DGKH: variants seen among roughly 807,000 people sequenced by gnomAD.
DGKH encodes DAG kinase eta.
DGKH carries 90 observed loss-of-function variants against 159.3 expected under a neutral mutation model. The ratio of observed to expected loss-of-function variants is 0.57; its 90% CI spans 0.48 to 0.67. The LOEUF is 0.67. Among genes scored for constraint, DGKH ranks in the 30% least tolerant of loss-of-function variants. The pLI is 0.00. For missense variants in DGKH, 1,181 were observed against 1,506.1 expected (o/e 0.78, Z 3.57); for synonymous variants, 536 against 553.8 (o/e 0.97, Z 0.45).
chr13:42,217,929 G>A (rs866987163), intron 26 of DGKH, among the ~76,000 whole-genome samples: 30 of 152,236 alleles, frequency 2.0e-4, no homozygotes, highest in Middle Eastern at 3.4e-3. Flanking sequence ...AGCTACTTTG[G>A]TGGCTGAGGC....
At chr13:42,084,953 T>G (rs1038283859) in intron 1 of DGKH, among the ~76,000 whole-genome samples, 10 of 152,092 alleles carry the variant, frequency 6.6e-5, no homozygotes, top group African/African-American at 2.4e-4. Flanking sequence ...TATAAATAGA[T>G]ATGTATGCAT....
chr13:42,207,419 G>C (rs1163248408), intron 21 of DGKH, among the ~76,000 whole-genome samples: 2 of 151,366 alleles, frequency 1.3e-5, no homozygotes, highest in Non-Finnish European at 2.9e-5. Flanking sequence ...TCGAACTTCT[G>C]ACCTCAGGTG....
In DGKH at chr13:42,239,674, A is replaced by G. The variant is rs1038665711; in HGVS notation, c.*10486A>G. 1 of 152,390 alleles carries G rather than the reference A, an allele frequency of 6.6e-6. No individual in the cohort carries two copies. The highest frequency in any genetic ancestry group is 2.4e-5 in the African/African-American group (1 of 41,382). The allele number at this position is 152,390 out of a possible 1,614,324, so 9.4% of individuals were successfully genotyped here. ...TTTTGTTTTTGGTTTTTTTCCAGCAACTAGTTTTTCTACTTTCACTCTTTC... is the reference window on the plus strand; with the variant it reads ...TTTTGTTTTTGGTTTTTTTCCAGCAGCTAGTTTTTCTACTTTCACTCTTTC... On this transcript the variant is annotated 3_prime_UTR_variant, in exon 30 of 30. Coordinates refer to ENST00000337343, the MANE Select transcript of DGKH (RefSeq NM_178009.5).
At chr13:42,159,654 A>C (rs1956129712) in intron 6 of DGKH, among the ~76,000 whole-genome samples, 1 of 152,058 alleles carries the variant, frequency 6.6e-6, no homozygotes. Context: ...CTTAGCTGAG[A>C]GGTTCACTCT....
At chr13:42,212,091 A>G (rs543155254) in intron 24 of DGKH, among the ~76,000 whole-genome samples, 1 of 152,198 alleles carries the variant, frequency 6.6e-6, no homozygotes, top group Non-Finnish European at 1.5e-5. Flanking sequence ...CTGGTCACTG[A>G]TAAAAATGTT....
At chr13:42,062,842 G>C (rs1453662531) in intron 1 of DGKH, among the ~76,000 whole-genome samples, 1 of 152,208 alleles carries the variant, frequency 6.6e-6, no homozygotes, top group Non-Finnish European at 1.5e-5. Flanking sequence ...GGTTAAACCA[G>C]GTATCTGCTG....
chr13:42,168,749 A>G lies in DGKH; in HGVS notation c.1298A>G (p.Tyr433Cys). The G allele has an allele frequency of 6.2e-7, 1 of 1,614,180 alleles. No individual in the cohort carries two copies. The highest frequency in any genetic ancestry group is 1.3e-5 in the African/African-American group (1 of 75,044). Reference protein sequence around the residue: ...LARVLGWGGSYDDDTQLPQIL... With the variant: ...LARVLGWGGSCDDDTQLPQIL... ...CGAGTTCTTGGCTGGGGAGGTTCAT[A>G]TGACGATGACACCCAACTTCCTCAG... is the stretch of plus-strand genomic sequence containing the variant. Residue 433 changes from tyrosine (Y) to cysteine (C), a missense_variant, in exon 11 of 30, where the codon TAT (tyrosine) becomes TGT (cysteine). By Grantham distance (194) the Tyr-to-Cys change is radical (BLOSUM62 -2). Around this residue, in one of 5 missense-constraint regions of DGKH, gnomAD observed 369 missense variants for 519.4 expected, o/e 0.71. Transcript: ENST00000337343.
Position 42,210,701 on chromosome 13 carries a change from T to C in DGKH, c.2950T>C (p.Leu984=), listed in dbSNP as rs373412730. ...THLYIHHAID[L]ATEEVSQMQL... Reference sequence around the variant, plus strand: ...TTTGTACATCCATCACGCCATTGACTTGGCAACAGAAGAGGTGTCGCAGAT... The same window carrying C: ...TTTGTACATCCATCACGCCATTGACCTGGCAACAGAAGAGGTGTCGCAGAT... The change falls in exon 24 of 30, where the codon TTG becomes CTG. Residue 984 remains leucine (L), a synonymous_variant. Coordinates refer to ENST00000337343, the MANE Select transcript of DGKH (RefSeq NM_178009.5). 18 of 1,612,258 alleles carry C rather than the reference T, an allele frequency of 1.1e-5. No individual in the cohort carries two copies. Among genetic ancestry groups the C allele is most frequent in the South Asian group, 2.2e-5 (2 of 90,994 alleles).
chr13:42,159,925 G>C, intron 6 of DGKH, 86 bp from the exon 7 acceptor site: 1 of 1,595,378 alleles, frequency 6.3e-7, no homozygotes, highest in Non-Finnish European at 8.6e-7. Context: ...TGACCCTCTA[G>C]AGTGAGAAAT....
chr13:42,176,118 C>CT (rs2138051137), intron 12 of DGKH, among the ~76,000 whole-genome samples: 1 of 152,258 alleles, frequency 6.6e-6, no homozygotes, highest in South Asian at 2.1e-4. Context: ...TTATTTTCCT[C>CT]TGAGAGAAAT....
At chr13:42,188,392 T>C (rs1249964213) in intron 14 of DGKH, among the ~76,000 whole-genome samples, 1 of 152,222 alleles carries the variant, frequency 6.6e-6, no homozygotes, top group African/African-American at 2.4e-5. Context: ...CCCTCTTCTT[T>C]TCCCTCCTTA....
chr13:42,197,366 C>T (rs1183713488), intron 17 of DGKH, among the ~76,000 whole-genome samples: 2 of 151,244 alleles, frequency 1.3e-5, no homozygotes. Context: ...TTGTTTTCTT[C>T]ATTCATTTAC....
chr13:42,256,183 A>C (rs879212901), intron 30 of DGKH: 3 of 1,222,236 alleles, frequency 2.5e-6, no homozygotes, highest in Non-Finnish European at 2.4e-6. Flanking sequence ...ATGTTGCTGT[A>C]ACAGTTGGAG....
intron 29 of DGKH, among the ~76,000 whole-genome samples, chr13:42,251,307 C>T (rs1958618698): frequency 6.6e-6 from 1 of 152,134 alleles, no homozygotes; most frequent in Admixed American, 6.5e-5. Flanking sequence ...AAAACACCGT[C>T]TGTACTGAAA....
intron 29 of DGKH, among the ~76,000 whole-genome samples, chr13:42,221,653 A>T (rs1251459331): frequency 6.6e-6 from 1 of 152,178 alleles, no homozygotes; most frequent in Non-Finnish European, 1.5e-5. Context: ...TAGTGATATG[A>T]CTGTTGCTGT....
intron 1 of DGKH, among the ~76,000 whole-genome samples, chr13:42,126,751 C>G (rs574883631): frequency 1.3e-5 from 2 of 152,136 alleles, no homozygotes; most frequent in Non-Finnish European, 2.9e-5. Context: ...AAATGCCCTT[C>G]CCCCATCTCT....
chr13:42,048,096 GGA>G (rs1317611067), upstream of DGKH, among the ~76,000 whole-genome samples: 8 of 150,732 alleles, frequency 5.3e-5, no homozygotes, highest in Non-Finnish European at 7.4e-5. This position sits in a 1 kb window ranked among gnomAD's most constrained non-coding sequence, Gnocchi z 6.7. Context: ...GGCGGAGGCG[GGA>G]GAGGTACGGT....
chr13:42,136,241 G>A (rs759343881), intron 3 of DGKH, among the ~76,000 whole-genome samples: 6 of 152,182 alleles, frequency 3.9e-5, no homozygotes, highest in Non-Finnish European at 5.9e-5. Context: ...GAAAGTTTGG[G>A]AATTTGGAAG....
chr13:42,078,996 C>T (rs1187884163), intron 1 of DGKH, among the ~76,000 whole-genome samples: 5 of 149,200 alleles, frequency 3.4e-5, no homozygotes, highest in South Asian at 2.1e-4. Context: ...CTGCAACCTC[C>T]GCCTTCTGGG....
Sources: allele counts gnomAD v4.1 joint callset (sites outside exome capture counted in the v4.1 genomes callset), GRCh38; gene constraint gnomAD v4.1.1; regional missense constraint gnomAD v4.1.1; non-coding constraint Gnocchi (gnomAD v3.1); transcripts MANE v1.5; gene names NCBI Gene and HGNC (gene_info 2026-07-23, HGNC 2026-07-21).